Variants in HYAL4 observed in about 807,000 individuals in gnomAD.
The protein encoded by HYAL4 is hyaluronidase 4.
HYAL4 carries 37 observed loss-of-function variants against 35.2 expected under a neutral mutation model. That is an observed-to-expected ratio of 1.05 (90% CI 0.81 to 1.38). HYAL4 has a LOEUF of 1.38. HYAL4 is among the 40% of genes most tolerant of loss of function. HYAL4 has a pLI of 0.00. For synonymous variants in HYAL4, 198 were observed against 203.2 expected (o/e 0.97, Z 0.22); for missense variants, 572 against 572.4 (o/e 1.00, Z 0.01).
the HYAL4 span, among the ~76,000 whole-genome samples, chr7:123,777,952 ATTAAT>A: frequency 6.7e-6 from 1 of 150,214 alleles, no homozygotes; most frequent in Non-Finnish European, 1.5e-5. Flanking sequence ...ATAAGGTTTT[ATTAAT>A]TTATAATTGA....
chr7:123,874,932 A>G, intron 4 of HYAL4, 82 bp downstream of exon 4: 2 of 781,516 alleles, frequency 2.6e-6, no homozygotes, highest in South Asian at 1.5e-5. Context: ...AATGACCTCC[A>G]TAGCAAACCA....
upstream of HYAL4, among the ~76,000 whole-genome samples, chr7:123,842,593 G>T (rs1222318002): frequency 6.6e-6 from 1 of 151,960 alleles, no homozygotes; most frequent in African/African-American, 2.4e-5. Flanking sequence ...TATTGACAGT[G>T]TGGTGTTAAA....
the HYAL4 span, among the ~76,000 whole-genome samples, chr7:123,782,142 T>C: frequency 2.0e-5 from 3 of 152,216 alleles, no homozygotes; most frequent in African/African-American, 7.2e-5. Flanking sequence ...TGAAATCATT[T>C]ACAATGTGGT....
the HYAL4 span, among the ~76,000 whole-genome samples, chr7:123,801,341 T>C: frequency 6.6e-6 from 1 of 152,200 alleles, no homozygotes; most frequent in African/African-American, 2.4e-5. Flanking sequence ...CATTGAGTTA[T>C]TAATTCAGAA....
the HYAL4 span, among the ~76,000 whole-genome samples, chr7:123,771,146 C>A: frequency 1.3e-5 from 2 of 152,156 alleles, no homozygotes; most frequent in African/African-American, 4.8e-5. Context: ...AGATCTATTT[C>A]TAAAAATATG....
intron 1 of HYAL4, among the ~76,000 whole-genome samples, chr7:123,840,043 T>C (rs941626217): frequency 1.3e-5 from 2 of 152,264 alleles, no homozygotes; most frequent in Non-Finnish European, 2.9e-5. Context: ...TTTGGTGTTT[T>C]AGTCATGTAG....
At chr7:123,795,131 C>A in the HYAL4 span, among the ~76,000 whole-genome samples, 1 of 152,236 alleles carries the variant, frequency 6.6e-6, no homozygotes, top group African/African-American at 2.4e-5. Context: ...GACTTGCATG[C>A]AGCCTGTAAC....
chr7:123,850,365 C>T (rs1337765266), intron 2 of HYAL4, among the ~76,000 whole-genome samples: 1 of 152,112 alleles, frequency 6.6e-6, no homozygotes, highest in East Asian at 1.9e-4. Flanking sequence ...CTTCAGCCTC[C>T]TGAGTATCTG....
intron 2 of HYAL4, among the ~76,000 whole-genome samples, chr7:123,853,901 C>A (rs1584917920): frequency 6.6e-6 from 1 of 152,214 alleles, no homozygotes; most frequent in Non-Finnish European, 1.5e-5. Flanking sequence ...GCCTCAATTT[C>A]AGAACTTGTT....
chr7:123,834,755 T>TA (rs1359620367), intron 1 of HYAL4, among the ~76,000 whole-genome samples: 1 of 152,198 alleles, frequency 6.6e-6, no homozygotes, highest in East Asian at 1.9e-4. Context: ...GTATGTCCCT[T>TA]ATATGCTGAT....
intron 1 of HYAL4, among the ~76,000 whole-genome samples, chr7:123,837,606 A>G (rs1291615081): frequency 6.6e-6 from 1 of 151,912 alleles, no homozygotes; most frequent in Non-Finnish European, 1.5e-5. Context: ...TACATGCGCC[A>G]TGTTGGTGTG....
At chr7:123,831,002 GT>G (rs1248109012) in intron 1 of HYAL4, among the ~76,000 whole-genome samples, 1 of 152,024 alleles carries the variant, frequency 6.6e-6, no homozygotes, top group Non-Finnish European at 1.5e-5. Flanking sequence ...ACTTTCAATG[GT>G]TTGGCAATGG....
the HYAL4 span, among the ~76,000 whole-genome samples, chr7:123,769,971 G>A: frequency 2.0e-5 from 3 of 151,674 alleles, no homozygotes; most frequent in East Asian, 3.9e-4. Flanking sequence ...TTTTATTTTC[G>A]CCAAGTAAAG....
rs1336856836 is a variant in HYAL4 at position 123,868,952 on chromosome 7, A to T, written c.679A>T (p.Asn227Tyr). 1 of 1,614,014 alleles carries T rather than the reference A, an allele frequency of 6.2e-7. No homozygotes were observed. Among genetic ancestry groups the T allele is most frequent in the Non-Finnish European group, 8.5e-7 (1 of 1,180,000 alleles). ...TTTATATCCTGATTGCCACAATTAT[A>T]ACGTTTATGCCCCAAACTACTCTGG... is the stretch of plus-strand genomic sequence containing the variant. ...YYLYPDCHNY[N>Y]VYAPNYSGSC... is the part of the protein sequence containing the mutation. Residue 227 changes from asparagine (N) to tyrosine (Y), a missense_variant, in exon 3 of 5, where the codon AAC becomes TAC. By Grantham distance (143) the Asn-to-Tyr change is moderately radical (BLOSUM62 -2). Coordinates refer to ENST00000223026, the MANE Select transcript of HYAL4 (RefSeq NM_012269.3).
At chr7:123,875,926 A>T (rs1807009767) in intron 4 of HYAL4, 3 of 424,316 alleles carry the variant, frequency 7.1e-6, no homozygotes, top group African/African-American at 6.2e-5. Context: ...TCACAGTCTC[A>T]ATTTGTTGCT....
chr7:123,817,964 G>A, the HYAL4 span, among the ~76,000 whole-genome samples: 7 of 151,806 alleles, frequency 4.6e-5, no homozygotes, highest in African/African-American at 1.7e-4. Flanking sequence ...TGCAACCTCC[G>A]CCTCCTGAAT....
chr7:123,876,865 A>G lies in HYAL4; in HGVS notation c.1156A>G (p.Arg386Gly), dbSNP rs1446840377. 1.9e-6 allele frequency: 3 copies of G among 1,614,190 alleles called. No homozygotes were observed. In the East Asian group the frequency reaches 6.7e-5, roughly 36 times the overall value. Residue 386 changes from arginine (R) to glycine (G), a missense_variant, in exon 5 of 5, where the codon AGG becomes GGG. Arg to Gly is a moderately radical substitution (Grantham distance 125, BLOSUM62 -2). Transcript: ENST00000223026. ...CSLHLCRNNGRCIRKMWNAPS... is the reference protein window; with the variant it reads ...CSLHLCRNNGGCIRKMWNAPS... The stretch of plus-strand genomic sequence containing the variant: ...CCTTCACCTCTGCAGGAACAATGGC[A>G]GGTGCATAAGGAAGATGTGGAACGC...
the HYAL4 span, among the ~76,000 whole-genome samples, chr7:123,778,901 A>G: frequency 9.6e-4 from 146 of 152,334 alleles, no homozygotes; most frequent in African/African-American, 3.3e-3. Flanking sequence ...AGCCAAAGCA[A>G]TATATTGCAA....
the HYAL4 span, among the ~76,000 whole-genome samples, chr7:123,769,498 C>G: frequency 6.6e-6 from 1 of 152,138 alleles, no homozygotes; most frequent in African/African-American, 2.4e-5. Context: ...TCAGAGTATT[C>G]CTGACATTGT....
Sources: gnomAD v4.1 joint callset for allele counts (sites outside exome capture counted in the v4.1 genomes callset) on GRCh38, gnomAD v4.1.1 for gene constraint, MANE v1.5 for transcripts, NCBI Gene and HGNC (gene_info 2026-07-23, HGNC 2026-07-21) for gene names.